The following SHANK2 variants were observed in gnomAD, a reference collection of about 807,000 sequenced individuals.
SHANK2 encodes the protein SH3 and multiple ankyrin repeat domains 2.
SHANK2 carries 43 observed loss-of-function variants against 133.7 expected under a neutral mutation model. That is an observed-to-expected ratio of 0.32 (90% CI 0.25 to 0.41). The LOEUF is 0.41. Ranked by LOEUF, SHANK2 falls within the 10% of genes least tolerant of loss-of-function variation. SHANK2 has a pLI of 1.00. For missense variants in SHANK2, 1,994 were observed against 2,235.8 expected (o/e 0.89, Z 2.18); for synonymous variants, 1,017 against 952.8 (o/e 1.07, Z -1.24).
intron 1 of SHANK2, among the ~76,000 whole-genome samples, chr11:71,230,578 AAAAG>A (rs1954726327): frequency 2.0e-5 from 3 of 152,266 alleles, no homozygotes; most frequent in South Asian, 4.1e-4. Context: ...CAAAAAAAAA[AAAAG>A]AAAGTATATG....
At chr11:71,167,373 G>T (rs1436230937) in intron 2 of SHANK2, among the ~76,000 whole-genome samples, 1 of 150,584 alleles carries the variant, frequency 6.6e-6, no homozygotes, top group African/African-American at 2.5e-5. Context: ...GGGCAGAGGC[G>T]CCCCTCACCT....
rs115770428 is a variant in SHANK2 at position 71,157,498 on chromosome 11, C to T, written c.-12-10160G>A. On this transcript the variant is annotated intron_variant, in intron 2 of 25. Coordinates refer to ENST00000601538, the MANE Select transcript of SHANK2 (RefSeq NM_012309.5). ...TTCTTGGTGGCACCAGTAACCACAC[C>T]ACTAATGTGGTCTGCACCGTCTTTC... Among the ~76,000 whole-genome samples, 1,221 of 152,214 alleles carry T rather than the reference C, an allele frequency of 8.0e-3. 17 individuals are homozygous for T. Among genetic ancestry groups the T allele is most frequent in the African/African-American group, 0.028 (1,165 of 41,532 alleles).
chr11:70,743,939 G>A (rs1055292279), intron 14 of SHANK2, among the ~76,000 whole-genome samples: 4 of 152,082 alleles, frequency 2.6e-5, no homozygotes, highest in East Asian at 1.9e-4. Context: ...CTAAGACCCC[G>A]TCCACTGCAC....
chr11:71,211,111 A>G (rs374299416), intron 2 of SHANK2, among the ~76,000 whole-genome samples: 138 of 150,900 alleles, frequency 9.1e-4, no homozygotes, highest in African/African-American at 3.3e-3. Context: ...TGAGACACCC[A>G]CAGGCCCCGT....
chr11:70,654,943 A>G (rs927976205), intron 17 of SHANK2, among the ~76,000 whole-genome samples: 1 of 151,544 alleles, frequency 6.6e-6, no homozygotes, highest in Admixed American at 6.6e-5. Context: ...AATTTTTTGT[A>G]TTTTTAGTAG....
intron 15 of SHANK2, among the ~76,000 whole-genome samples, chr11:70,663,071 T>C (rs536836304): frequency 9.4e-4 from 141 of 150,276 alleles, no homozygotes; most frequent in African/African-American, 3.3e-3. Flanking sequence ...GCCTCGGGGG[T>C]GAGGAGAAAG....
rs1016683351 is a variant in SHANK2 at position 70,671,215 on chromosome 11, C to T, written c.1854-9537G>A. 5.3e-5 allele frequency among the ~76,000 whole-genome samples: 8 copies of T among 152,182 alleles called. No homozygotes were observed. In the East Asian group the frequency reaches 1.5e-3, roughly 29 times the overall value. The stretch of plus-strand genomic sequence containing the variant: ...GGAGGAGACAGATACGGCTTAACTG[C>T]GCTCATGATCATGACGGGGTGTGAT... On this transcript the variant is annotated intron_variant, in intron 15 of 25. Coordinates refer to ENST00000601538, the MANE Select transcript of SHANK2 (RefSeq NM_012309.5).
chr11:70,925,879 G>A (rs782431132), intron 10 of SHANK2, among the ~76,000 whole-genome samples: 45 of 152,176 alleles, frequency 3.0e-4, no homozygotes, highest in Admixed American at 1.2e-3. Flanking sequence ...TTAGGTTCCT[G>A]AGAGCCTCTG....
At chr11:71,079,304 C>A (rs1278270511) in intron 8 of SHANK2, among the ~76,000 whole-genome samples, 3 of 152,226 alleles carry the variant, frequency 2.0e-5, no homozygotes, top group African/African-American at 7.2e-5. Context: ...TGGAAAGGCT[C>A]CAGGCAGGTC....
At chr11:70,950,317 C>T (rs974988991) in intron 10 of SHANK2, among the ~76,000 whole-genome samples, 12 of 151,834 alleles carry the variant, frequency 7.9e-5, no homozygotes, top group Non-Finnish European at 1.8e-4. Context: ...GCTGGGATTA[C>T]AGGCGAGCAC....
chr11:70,593,825 CTTCG>C (rs1240098858), intron 17 of SHANK2, among the ~76,000 whole-genome samples: 2 of 152,176 alleles, frequency 1.3e-5, no homozygotes, highest in East Asian at 3.9e-4. Context: ...TCATTAGTTC[CTTCG>C]TTCGTTCGTT....
chr11:70,871,735 C>G (rs1555070237), intron 11 of SHANK2, among the ~76,000 whole-genome samples: 17 of 152,160 alleles, frequency 1.1e-4, no homozygotes. Context: ...CAGGGTTTTA[C>G]AGCAAACTGT....
At chr11:71,119,877 A>C (rs1333393766) in intron 3 of SHANK2, among the ~76,000 whole-genome samples, 1 of 152,168 alleles carries the variant, frequency 6.6e-6, no homozygotes, top group Non-Finnish European at 1.5e-5. Flanking sequence ...TAATTTTGAC[A>C]TGGATCGTTC....
intron 17 of SHANK2, among the ~76,000 whole-genome samples, chr11:70,567,504 A>G (rs2136159247): frequency 6.6e-6 from 1 of 152,140 alleles, no homozygotes; most frequent in East Asian, 1.9e-4. Context: ...GCGGGTGCCT[A>G]TAATCCCAGA....
At chr11:70,593,207 A>G (rs530103390) in intron 17 of SHANK2, among the ~76,000 whole-genome samples, 50 of 152,240 alleles carry the variant, frequency 3.3e-4, no homozygotes, top group African/African-American at 1.1e-3. Flanking sequence ...TCTACTTATT[A>G]TATTCTATAA....
At chr11:70,555,022 C>T (rs1482974596) in intron 17 of SHANK2, among the ~76,000 whole-genome samples, 24 of 151,594 alleles carry the variant, frequency 1.6e-4, no homozygotes, top group Admixed American at 1.6e-3. Flanking sequence ...TTGGATAATT[C>T]TCACAATATT....
chr11:71,249,192 G>A (rs552805945), intron 1 of SHANK2, among the ~76,000 whole-genome samples: 2 of 152,192 alleles, frequency 1.3e-5, no homozygotes, highest in East Asian at 1.9e-4. Context: ...TCATTCTCCC[G>A]GTGCCCAGGT....
At chr11:70,490,205 T>C (rs1555155388) in intron 23 of SHANK2, 71 bp downstream of exon 23, 1 of 1,333,008 alleles carries the variant, frequency 7.5e-7, no homozygotes, top group Admixed American at 1.7e-5. Context: ...GGGCTCAGAA[T>C]TCCTGAGGGG....
chr11:70,754,889 C>T (rs1203096810), intron 14 of SHANK2, among the ~76,000 whole-genome samples: 4 of 152,106 alleles, frequency 2.6e-5, no homozygotes, highest in Non-Finnish European at 5.9e-5. Flanking sequence ...AGATTTAACA[C>T]GGCCCCAGAT....
Sources: allele counts gnomAD v4.1 joint callset (sites outside exome capture counted in the v4.1 genomes callset), GRCh38; gene constraint gnomAD v4.1.1; transcripts MANE v1.5; gene names NCBI Gene and HGNC (gene_info 2026-07-23, HGNC 2026-07-21).